The following ANO7 variants were observed in gnomAD, a reference collection of about 807,000 sequenced individuals.
ANO7 encodes anoctamin-7.
Under a neutral mutation model 115.8 loss-of-function variants are expected in ANO7, and 114 were observed. The ratio of observed to expected loss-of-function variants is 0.98; its 90% confidence interval spans 0.85 to 1.15. The LOEUF (loss-of-function observed/expected upper bound fraction) is 1.15, where lower values mean the gene tolerates loss of function less well. Ranked by LOEUF, ANO7 falls within the 50% of genes most tolerant of loss-of-function variation. ANO7 has a pLI of 0.00. For missense variants in ANO7, 1,302 were observed against 1,201.2 expected, an observed-to-expected ratio of 1.08 and a Z score of -1.24; for synonymous variants, 550 against 498.2, an observed-to-expected ratio of 1.10 and a Z score of -1.38.
rs138277491 is a variant in ANO7 at position 241,200,504 on chromosome 2, C to T, written c.554+279C>T. Among the ~76,000 whole-genome samples the T allele has an allele frequency of 6.8e-3, 1,030 of 152,328 alleles. 9 individuals carry two copies. Among genetic ancestry groups the T allele is most frequent in the Non-Finnish European group, 0.012 (799 of 68,024 alleles). ...CTGCTCAGGCACACGTGTGGTGGGG[C>T]GGCGCGGTACCTGCTCACCACGGTC... On this transcript the variant is annotated intron_variant, in intron 6 of 24. Transcript: ENST00000674324.
At chr2:241,205,002 A>C in intron 10 of ANO7, 47 bp downstream of exon 10, 1 of 1,563,084 alleles carries the variant, frequency 6.4e-7, no homozygotes, top group Non-Finnish European at 8.8e-7. Context: ...CTGGGCCTCC[A>C]GATGGGTGTG....
rs113383619 is a variant in ANO7, at chr2:241,225,622, C to T, written c.*1469C>T. On this transcript the variant is annotated 3_prime_UTR_variant, in exon 25 of 25. Transcript: ENST00000674324. ...GAAAAGGCCTCTTTCTGAACATCCT[C>T]GCCTGCGTTCTATTTCACCCACCGT... Among the ~76,000 whole-genome samples the T allele has an allele frequency of 6.6e-6, 1 of 152,206 alleles. No homozygotes were observed. The highest frequency in any genetic ancestry group is 1.5e-5 in the Non-Finnish European group (1 of 68,046).
chr2:241,233,709 C>T, the ANO7 span: 4 of 1,214,836 alleles, frequency 3.3e-6, no homozygotes, highest in Non-Finnish European at 4.7e-6. This position sits in a 1 kb window ranked among gnomAD's most constrained non-coding sequence, Gnocchi z 4.3. Flanking sequence ...ACTTGCCACT[C>T]TCAACTTGGC....
At chr2:241,217,933 A>T in intron 20 of ANO7, 42 bp downstream of exon 20, 50 of 21,324 alleles carry the variant, frequency 2.3e-3, no homozygotes, top group Non-Finnish European at 3.3e-3. Context: ...GGGGGCGCGC[A>T]GGGGCGGGGG....
Position 241,201,321 on chromosome 2 carries a change from A to T in ANO7, c.578A>T (p.Asp193Val). The change falls in exon 7 of 25, where the codon GAC becomes GTC. Residue 193 changes from aspartate (D) to valine (V), a missense_variant. Coordinates refer to ENST00000674324, the MANE Select transcript of ANO7 (RefSeq NM_001370694.2). Reference sequence around the variant, plus strand: ...AGCTTCCTCGGGAGTGACAACCAGGACACCTTCTTCACAAGCACCAAGAGG... The same window carrying T: ...AGCTTCCTCGGGAGTGACAACCAGGTCACCTTCTTCACAAGCACCAAGAGG... ...LPRFLGSDNQ[D>V]TFFTSTKRHQ... 14 of 1,613,288 alleles carry T rather than the reference A, an allele frequency of 8.7e-6. No homozygotes were observed. The highest frequency in any genetic ancestry group is 1.2e-5 in the Non-Finnish European group (14 of 1,179,782).
rs1405066210 is a variant in ANO7, at chr2:241,190,172, G to T, written c.108+1G>T. On this transcript the variant is annotated splice_donor_variant, in intron 2 of 24. Transcript: ENST00000674324. LOFTEE classifies it high-confidence loss of function. ...CGGGAGCACAGCCCACGCCTCGGAGGTAACAGCACCCAGGAGACTGTGGTG... is the reference window on the plus strand; with the variant it reads ...CGGGAGCACAGCCCACGCCTCGGAGTTAACAGCACCCAGGAGACTGTGGTG... 1 of 1,556,950 alleles carries T rather than the reference G, an allele frequency of 6.4e-7. No individual in the cohort carries two copies. Among genetic ancestry groups the T allele is most frequent in the African/African-American group, 1.4e-5 (1 of 73,638 alleles).
rs1363955060 is a variant in ANO7 at position 241,225,793 on chromosome 2, G to C, written c.*1640G>C. 2.0e-5 allele frequency among the ~76,000 whole-genome samples: 3 copies of C among 152,156 alleles called. No individual in the cohort carries two copies. Among genetic ancestry groups the C allele is most frequent in the Non-Finnish European group, 4.4e-5 (3 of 68,020 alleles). The stretch of plus-strand genomic sequence containing the variant: ...GCAGGCTCACAGCGCCCTGGGGCTG[G>C]ACACCACCGGCCGGAGCATGGCGGA... On this transcript the variant is annotated 3_prime_UTR_variant, in exon 25 of 25. Coordinates refer to ENST00000674324, the MANE Select transcript of ANO7 (RefSeq NM_001370694.2).
chr2:241,237,559 G>C, the ANO7 span, among the ~76,000 whole-genome samples: 2 of 152,172 alleles, frequency 1.3e-5, no homozygotes, highest in Admixed American at 6.5e-5. Flanking sequence ...TTCTGAAGGA[G>C]AAAAACTGGC....
At chr2:241,200,055 G>A (rs374510778) in intron 5 of ANO7, 34 bp from the exon 6 acceptor site, 26 of 1,605,184 alleles carry the variant, frequency 1.6e-5, no homozygotes, top group South Asian at 5.5e-5. Flanking sequence ...CCCTCCTCCC[G>A]GGAGTGGGAG....
At chr2:241,217,634 G>A in intron 19 of ANO7, 52 bp from the exon 20 acceptor site, 1 of 1,532,794 alleles carries the variant, frequency 6.5e-7, no homozygotes, top group South Asian at 1.2e-5. Flanking sequence ...CGCGTTCCGA[G>A]GGCTGAGGGC....
At chr2:241,207,784 G>C (rs1195623630) in intron 11 of ANO7, 114 bp downstream of exon 11, 8 of 962,762 alleles carry the variant, frequency 8.3e-6, no homozygotes, top group Non-Finnish European at 9.8e-6. Context: ...CTTGTCACCA[G>C]CTAAAGGCAG....
At chr2:241,230,846 A>C (rs1254062708), downstream of ANO7, 1 of 1,614,250 alleles carries the variant, frequency 6.2e-7, no homozygotes. This position sits in a 1 kb window ranked among gnomAD's most constrained non-coding sequence, Gnocchi z 5.0. Context: ...GGACGTCCTC[A>C]GAAACCATCT....
intron 21 of ANO7, among the ~76,000 whole-genome samples, chr2:241,222,481 A>G (rs1317107348): frequency 6.6e-6 from 1 of 151,434 alleles, no homozygotes; most frequent in Non-Finnish European, 1.5e-5. Flanking sequence ...ACTGTCTCCC[A>G]GTCCCCAGTC....
chr2:241,229,821 C>T (rs1299745649), downstream of ANO7: 6 of 1,464,924 alleles, frequency 4.1e-6, no homozygotes, highest in South Asian at 2.4e-5. Flanking sequence ...AGGGCAGAAG[C>T]CCGCATCTGA....
At chr2:241,195,647 T>A in intron 3 of ANO7, 56 bp from the exon 4 acceptor site, 1 of 1,566,558 alleles carries the variant, frequency 6.4e-7, no homozygotes, top group Non-Finnish European at 8.7e-7. Context: ...ATCCCTTCCC[T>A]GGGCCGGCCA....
chr2:241,235,055 A>T, the ANO7 span: 1 of 1,579,150 alleles, frequency 6.3e-7, no homozygotes, highest in Non-Finnish European at 8.6e-7. Flanking sequence ...ACTTCCCTAG[A>T]TTCTGACATG....
At chr2:241,219,277 A>C (rs545784892) in intron 21 of ANO7, among the ~76,000 whole-genome samples, 1 of 152,118 alleles carries the variant, frequency 6.6e-6, no homozygotes, top group Non-Finnish European at 1.5e-5. Flanking sequence ...AAATTACGAA[A>C]CCATAGGGTT....
chr2:241,235,546 G>T, the ANO7 span: 1 of 1,614,096 alleles, frequency 6.2e-7, no homozygotes, highest in Non-Finnish European at 8.5e-7. Flanking sequence ...ATAACGTAAC[G>T]GTGAAGGTCA....
At position 241,224,179 on chromosome 2, in the gene ANO7, T is replaced by C; in HGVS notation, c.*26T>C. On this transcript the variant is annotated 3_prime_UTR_variant, in exon 25 of 25. Transcript: ENST00000674324. Reference sequence around the variant, plus strand: ...CGCCTGGAAGGACATCTGGTGGTCCTTAGGGGAGTGGCCCCTCCTGAGCCC... The same window carrying C: ...CGCCTGGAAGGACATCTGGTGGTCCCTAGGGGAGTGGCCCCTCCTGAGCCC... 13 of 1,613,610 alleles carry C rather than the reference T, an allele frequency of 8.1e-6. No individual in the cohort carries two copies. The highest frequency in any genetic ancestry group is 1.1e-5 in the Non-Finnish European group (13 of 1,179,752).
Sources: gnomAD v4.1 joint callset for allele counts (sites outside exome capture counted in the v4.1 genomes callset) on GRCh38, gnomAD v4.1.1 for gene constraint, Gnocchi (gnomAD v3.1) non-coding constraint, MANE v1.5 for transcripts, NCBI Gene and HGNC (gene_info 2026-07-23, HGNC 2026-07-21) for gene names.